The following TMEM135 variants were observed in gnomAD, a reference collection of about 807,000 sequenced individuals.
The protein encoded by TMEM135 is peroxisomal membrane protein 52.
Under a neutral mutation model 60.3 loss-of-function variants are expected in TMEM135, and 30 were observed. The ratio of observed to expected loss-of-function variants is 0.50; its 90% CI spans 0.37 to 0.68. TMEM135 has a LOEUF of 0.68. TMEM135 is among the 30% of genes least tolerant of loss of function. The pLI is 0.00. For missense variants in TMEM135, 468 were observed against 548.8 expected (o/e 0.85, Z 1.47); for synonymous variants, 190 against 186.7 (o/e 1.02, Z -0.14).
intron 5 of TMEM135, among the ~76,000 whole-genome samples, chr11:87,170,073 G>A (rs1330418312): frequency 6.6e-6 from 1 of 151,112 alleles, no homozygotes; most frequent in Non-Finnish European, 1.5e-5. Flanking sequence ...CACTTGATCA[G>A]TTTGGCTATT....
chr11:87,078,428 C>T (rs1006668076), intron 3 of TMEM135, among the ~76,000 whole-genome samples: 1 of 151,988 alleles, frequency 6.6e-6, no homozygotes, highest in Non-Finnish European at 1.5e-5. Flanking sequence ...GGTTATTTAT[C>T]TTTTAATTAT....
At chr11:87,054,478 C>G (rs1446765716) in intron 1 of TMEM135, among the ~76,000 whole-genome samples, 2 of 151,952 alleles carry the variant, frequency 1.3e-5, no homozygotes, top group Admixed American at 1.3e-4. Context: ...TAAAATGGAC[C>G]TTAAATAATT....
At chr11:87,159,592 C>CGT (rs1349231015) in intron 5 of TMEM135, among the ~76,000 whole-genome samples, 4 of 121,508 alleles carry the variant, frequency 3.3e-5, no homozygotes, top group African/African-American at 6.4e-5. Context: ...TACACACACG[C>CGT]GCACACACAC....
chr11:87,318,297 A>T, intron 13 of TMEM135, 62 bp downstream of exon 13: 1 of 1,132,464 alleles, frequency 8.8e-7, no homozygotes, highest in Non-Finnish European at 1.3e-6. Flanking sequence ...ACGTTAATCA[A>T]ATGGGAGAGA....
chr11:87,245,304 G>C (rs934192126), intron 6 of TMEM135, among the ~76,000 whole-genome samples: 2 of 146,132 alleles, frequency 1.4e-5, no homozygotes, highest in Non-Finnish European at 3.0e-5. Flanking sequence ...GTGTGGTGTG[G>C]TGCTGAAAAA....
rs117848575 is a variant in TMEM135, at chr11:87,324,150, T to G, written c.*2817T>G. 16,744 of 454,064 alleles carry G rather than the reference T, an allele frequency of 0.037. 398 individuals carry two copies. The highest frequency in any genetic ancestry group is 0.051 in the Admixed American group (2,151 of 42,560). The allele number at this position is 454,064 out of a possible 1,614,324, so 28.1% of individuals were successfully genotyped here. On this transcript the variant is annotated 3_prime_UTR_variant, in exon 15 of 15. Transcript: ENST00000305494. ...AGATTGTATCTAGGCTAACATTTCATTTAGTTGTTAATGCTGACGTAATTG... is the reference window on the plus strand; with the variant it reads ...AGATTGTATCTAGGCTAACATTTCAGTTAGTTGTTAATGCTGACGTAATTG...
rs1942835282 is a variant in TMEM135, at chr11:87,322,248, T to C, written c.*915T>C. The C allele has an allele frequency of 6.6e-6, 3 of 454,202 alleles. No individual in the cohort carries two copies. Among genetic ancestry groups the C allele is most frequent in the Admixed American group, 2.4e-5 (1 of 42,532 alleles). The allele number at this position is 454,202 out of a possible 1,614,324, so 28.1% of individuals were successfully genotyped here. A position where few individuals can be genotyped will look rare whatever the true frequency, so the allele number is the denominator to read the frequency against. ...GGGATCAAAATCCTATGGAACAAAG[T>C]AGTCTTGGCAAGTTGGCAGTTTGTG... On this transcript the variant is annotated 3_prime_UTR_variant, in exon 15 of 15. Coordinates refer to ENST00000305494, the MANE Select transcript of TMEM135 (RefSeq NM_022918.4).
intron 3 of TMEM135, among the ~76,000 whole-genome samples, chr11:87,073,277 C>T (rs1856805579): frequency 6.6e-6 from 1 of 152,132 alleles, no homozygotes; most frequent in Non-Finnish European, 1.5e-5. Flanking sequence ...TTGTGATCCG[C>T]CCACCTCGGC....
At chr11:87,253,327 G>T (rs1409275633) in intron 6 of TMEM135, among the ~76,000 whole-genome samples, 2 of 152,068 alleles carry the variant, frequency 1.3e-5, no homozygotes, top group African/African-American at 2.4e-5. Context: ...CGACCCCTAA[G>T]GTAAGGACTT....
At chr11:87,151,009 T>C (rs546153419) in intron 4 of TMEM135, among the ~76,000 whole-genome samples, 3 of 152,158 alleles carry the variant, frequency 2.0e-5, no homozygotes, top group Non-Finnish European at 4.4e-5. Context: ...ACCTTCCAAA[T>C]TTTAAGGCAT....
chr11:87,257,791 T>C (rs1254668445), intron 6 of TMEM135, among the ~76,000 whole-genome samples: 1 of 152,150 alleles, frequency 6.6e-6, no homozygotes, highest in Non-Finnish European at 1.5e-5. Context: ...TAAAAGTAAT[T>C]GTGGTGATGG....
chr11:87,201,843 A>G (rs546430410), intron 5 of TMEM135, among the ~76,000 whole-genome samples: 2 of 152,330 alleles, frequency 1.3e-5, no homozygotes, highest in Admixed American at 6.5e-5. Context: ...TTTAATGTCC[A>G]GTAAAGATGT....
At chr11:87,265,843 C>G (rs1283735903) in intron 6 of TMEM135, among the ~76,000 whole-genome samples, 5 of 152,028 alleles carry the variant, frequency 3.3e-5, no homozygotes, top group Non-Finnish European at 7.4e-5. Context: ...TGCACTGAGT[C>G]AATTTCTTAT....
chr11:87,181,859 G>T (rs2135303890), intron 5 of TMEM135, among the ~76,000 whole-genome samples: 1 of 151,994 alleles, frequency 6.6e-6, no homozygotes, highest in Admixed American at 6.6e-5. Flanking sequence ...AATTAAAGAG[G>T]CTAGTTCTAC....
chr11:87,136,229 G>A (rs1938094589), intron 4 of TMEM135, among the ~76,000 whole-genome samples: 1 of 151,924 alleles, frequency 6.6e-6, no homozygotes, highest in Non-Finnish European at 1.5e-5. Flanking sequence ...AAAATTTTTG[G>A]AATGGAAGTT....
intron 1 of TMEM135, among the ~76,000 whole-genome samples, chr11:87,049,588 A>G (rs1949823611): frequency 7.9e-6 from 1 of 125,806 alleles, no homozygotes; most frequent in South Asian, 2.7e-4. Flanking sequence ...CATAATGGTA[A>G]AGGGATCAAT....
chr11:87,055,744 C>T (rs975171163), intron 1 of TMEM135, among the ~76,000 whole-genome samples: 2 of 152,188 alleles, frequency 1.3e-5, no homozygotes, highest in South Asian at 4.1e-4. Context: ...GTATGCGCCA[C>T]CATGCTTGGC....
intron 5 of TMEM135, among the ~76,000 whole-genome samples, chr11:87,212,825 A>G (rs771235786): frequency 4.6e-3 from 391 of 85,730 alleles, no homozygotes; most frequent in Non-Finnish European, 6.9e-3. Flanking sequence ...CTGATTTTGG[A>G]AAAAAAAAAA....
chr11:87,058,294 ATTTG>A (rs1337892924), intron 1 of TMEM135, among the ~76,000 whole-genome samples: 1 of 151,880 alleles, frequency 6.6e-6, no homozygotes, highest in East Asian at 1.9e-4. Flanking sequence ...ATACAGAAAA[ATTTG>A]TTTGTTACAA....
Sources: allele counts gnomAD v4.1 joint callset (sites outside exome capture counted in the v4.1 genomes callset), GRCh38; gene constraint gnomAD v4.1.1; transcripts MANE v1.5; gene names NCBI Gene and HGNC (gene_info 2026-07-23, HGNC 2026-07-21).